BACH2: variants seen among roughly 807,000 people sequenced by gnomAD.
BACH2 encodes the protein BACH transcriptional regulator 2.
In BACH2, 5 loss-of-function variants were observed where a neutral mutation model predicts 61.8. That is an observed-to-expected ratio of 0.08 (90% CI 0.04 to 0.17). The LOEUF (loss-of-function observed/expected upper bound fraction) is 0.17. Ranked by LOEUF, BACH2 falls within the 10% of genes least tolerant of loss-of-function variation. The pLI, the probability that BACH2 is intolerant of heterozygous loss-of-function variation, is 1.00. For missense variants in BACH2, 824 were observed against 1,091.1 expected (o/e 0.76, Z 3.45); for synonymous variants, 446 against 440.1 (o/e 1.01, Z -0.17).
At chr6:90,028,460 T>C (rs1778755058) in intron 5 of BACH2, among the ~76,000 whole-genome samples, 1 of 152,236 alleles carries the variant, frequency 6.6e-6, no homozygotes. Flanking sequence ...TGCTACCTTT[T>C]GCATGTATGT....
chr6:90,222,747 T>C (rs1238420260), intron 3 of BACH2, among the ~76,000 whole-genome samples: 1 of 152,188 alleles, frequency 6.6e-6, no homozygotes, highest in Non-Finnish European at 1.5e-5. Context: ...TTATGTCTCC[T>C]TGCCCCTAGT....
rs762921457 is a variant in BACH2, at chr6:89,950,174, C to T, written c.1836+96G>A. 38 of 1,393,524 alleles carry T rather than the reference C, an allele frequency of 2.7e-5. No homozygotes were observed. The highest frequency in any genetic ancestry group is 1.9e-4 in the Admixed American group (11 of 59,262). The allele number at this position is 1,393,524 out of a possible 1,614,324, so 86.3% of individuals were successfully genotyped here. A position where few individuals can be genotyped will look rare whatever the true frequency, so the allele number is the denominator to read the frequency against. ...TCTACTGTCATCTTTAATCTTAGCA[C>T]GTAAGAACAATGTGGGAGTGGTGGG... On this transcript the variant is annotated intron_variant, in intron 7 of 8. Transcript: ENST00000257749. The surrounding 1 kb of genome is among the most constrained non-coding windows in gnomAD (Gnocchi z 5.3).
intron 4 of BACH2, among the ~76,000 whole-genome samples, chr6:90,196,979 C>A (rs1390996436): frequency 6.6e-6 from 1 of 152,096 alleles, no homozygotes; most frequent in African/African-American, 2.4e-5. Flanking sequence ...GTCTTCTGAA[C>A]AGTAACTGAG....
intron 4 of BACH2, among the ~76,000 whole-genome samples, chr6:90,192,239 A>T (rs1446575134): frequency 6.6e-6 from 1 of 151,884 alleles, no homozygotes; most frequent in Non-Finnish European, 1.5e-5. Context: ...TCTCTTTTTC[A>T]TGGGAGATTT....
chr6:89,981,640 TAAG>T (rs1371798442), intron 6 of BACH2, among the ~76,000 whole-genome samples: 2 of 152,212 alleles, frequency 1.3e-5, no homozygotes, highest in Non-Finnish European at 2.9e-5. Context: ...AGGTCAAAGT[TAAG>T]AAAGTCTTGG....
intron 4 of BACH2, among the ~76,000 whole-genome samples, chr6:90,096,883 C>T (rs1466119293): frequency 6.6e-6 from 1 of 152,224 alleles, no homozygotes; most frequent in Admixed American, 6.5e-5. Context: ...CACCACCATC[C>T]ACCTCGTATA....
At position 90,008,745 on chromosome 6, in the gene BACH2, C is replaced by T. The variant is rs779790057; in HGVS notation, c.100G>A (p.Asp34Asn). 6 of 1,614,184 alleles carry T rather than the reference C, an allele frequency of 3.7e-6. No homozygotes were observed. Among genetic ancestry groups the T allele is most frequent in the South Asian group, 3.3e-5 (3 of 91,086 alleles). The change falls in exon 6 of 9, where the codon GAT (aspartate) becomes AAT (asparagine). Residue 34 changes from aspartate to asparagine, a missense_variant. Asp to Asn is a conservative substitution (Grantham distance 23). Around this residue, in one of 8 missense-constraint regions of BACH2, gnomAD observed 66 missense variants for 144.8 expected, o/e 0.46. Transcript: ENST00000257749. This position sits in a 1 kb window ranked among gnomAD's most constrained non-coding sequence, Gnocchi z 4.1. ...LLGLNDQRKK[D>N]ILCDVTLIVE... ...ATCAAAGTCACGTCACAGAGAATAT[C>T]CTTTTTCCGCTGGTCATTGAGGCCC...
intron 7 of BACH2, among the ~76,000 whole-genome samples, chr6:89,945,279 C>A (rs1244426687): frequency 6.6e-6 from 1 of 152,152 alleles, no homozygotes; most frequent in Non-Finnish European, 1.5e-5. Flanking sequence ...TGGCCCTCAA[C>A]CAATGAACAA....
intron 7 of BACH2, among the ~76,000 whole-genome samples, chr6:89,947,627 G>A (rs1043131481): frequency 9.2e-5 from 14 of 151,430 alleles, no homozygotes; most frequent in Admixed American, 3.3e-4. Flanking sequence ...GTGCAGCGGC[G>A]CGATCTCGGC....
intron 4 of BACH2, among the ~76,000 whole-genome samples, chr6:90,200,264 T>C (rs556224132): frequency 1.3e-5 from 2 of 152,246 alleles, no homozygotes; most frequent in African/African-American, 4.8e-5. Flanking sequence ...CTCCCAAGGG[T>C]CCCTAAACCA....
chr6:90,179,679 A>G (rs1020143151), intron 4 of BACH2, among the ~76,000 whole-genome samples: 2 of 152,208 alleles, frequency 1.3e-5, no homozygotes, highest in Non-Finnish European at 2.9e-5. Flanking sequence ...TGTGGGCATC[A>G]AAGAAATAAT....
At chr6:90,063,363 G>A (rs1780785189) in intron 5 of BACH2, among the ~76,000 whole-genome samples, 2 of 152,166 alleles carry the variant, frequency 1.3e-5, no homozygotes, top group South Asian at 4.1e-4. Flanking sequence ...TAAGAAGCAT[G>A]AAATATCACA....
At chr6:90,194,599 G>A (rs1194246734) in intron 4 of BACH2, among the ~76,000 whole-genome samples, 1 of 152,220 alleles carries the variant, frequency 6.6e-6, no homozygotes, top group Admixed American at 6.5e-5. Context: ...AATGGAGAAA[G>A]TGCCTGAGAG....
chr6:90,225,247 G>A (rs1464373703), intron 3 of BACH2, among the ~76,000 whole-genome samples: 1 of 152,148 alleles, frequency 6.6e-6, no homozygotes, highest in African/African-American at 2.4e-5. Flanking sequence ...TGGGCATGGT[G>A]GTGCATGCCT....
At chr6:90,076,672 C>T (rs985696479) in intron 5 of BACH2, among the ~76,000 whole-genome samples, 16 of 152,268 alleles carry the variant, frequency 1.1e-4, no homozygotes, top group Admixed American at 5.2e-4. Flanking sequence ...GGAATTCCCT[C>T]GGTACCCTGT....
At chr6:89,999,967 G>T (rs544382887) in intron 6 of BACH2, among the ~76,000 whole-genome samples, 1 of 152,268 alleles carries the variant, frequency 6.6e-6, no homozygotes, top group Non-Finnish European at 1.5e-5. Flanking sequence ...ATATGTCTTA[G>T]GTTTTTGTCT....
chr6:89,982,163 C>G (rs1310262076), intron 6 of BACH2, among the ~76,000 whole-genome samples: 2 of 151,958 alleles, frequency 1.3e-5, no homozygotes, highest in African/African-American at 4.8e-5. Flanking sequence ...GGAAAGGTGA[C>G]AAGTGCTGCA....
chr6:90,089,017 C>A lies in BACH2; in HGVS notation c.-69G>T, dbSNP rs372083570. 1 of 152,226 alleles carries A rather than the reference C, an allele frequency of 6.6e-6. No homozygotes were observed. The highest frequency in any genetic ancestry group is 1.5e-5 in the Non-Finnish European group (1 of 68,034). 9.4% of individuals were successfully genotyped at this position (152,226 alleles called of 1,614,324 possible). ...GAGTCTTAGGATGCAGGGAACTGGGCGAAGGGAGAGATGAGAAGGCTCTGG... is the reference window on the plus strand; with the variant it reads ...GAGTCTTAGGATGCAGGGAACTGGGAGAAGGGAGAGATGAGAAGGCTCTGG... On this transcript the variant is annotated 5_prime_UTR_variant, in exon 5 of 9. Transcript: ENST00000257749.
chr6:90,198,379 G>A lies in BACH2; in HGVS notation c.-162+8190C>T, dbSNP rs542050095. On this transcript the variant is annotated intron_variant, in intron 4 of 8. Transcript: ENST00000257749. ...TCTCCTCCGACCTCAGTTAGAACCC[G>A]ACAGATGGTCAGTAGCTGCAGCCAT... Among the ~76,000 whole-genome samples, 14 of 152,310 alleles carry A rather than the reference G, an allele frequency of 9.2e-5. No individual in the cohort carries two copies. The East Asian group carries it at 1.4e-3, about 15-fold the overall frequency.
Sources: allele counts gnomAD v4.1 joint callset (sites outside exome capture counted in the v4.1 genomes callset), GRCh38; gene constraint gnomAD v4.1.1; regional missense constraint gnomAD v4.1.1; non-coding constraint Gnocchi (gnomAD v3.1); transcripts MANE v1.5; gene names NCBI Gene and HGNC (gene_info 2026-07-23, HGNC 2026-07-21).